ITPR1: variants seen among roughly 807,000 people sequenced by gnomAD.
The protein encoded by ITPR1 is inositol 1,4,5-trisphosphate-gated calcium channel ITPR1.
ITPR1 carries 96 observed loss-of-function variants against 318.4 expected under a neutral mutation model. The observed-to-expected ratio is 0.30, with a 90% CI of 0.26 to 0.36. The LOEUF is 0.36. Ranked by LOEUF, ITPR1 falls within the 10% of genes least tolerant of loss-of-function variation. The probability of loss-of-function intolerance (pLI) is 1.00; values close to 1 mark genes in which losing one functional copy is unlikely to be tolerated. For synonymous variants in ITPR1, 1,312 were observed against 1,289.9 expected (o/e 1.02, Z -0.37); for missense variants, 2,440 against 3,460.2 (o/e 0.71, Z 7.40).
intron 4 of ITPR1, among the ~76,000 whole-genome samples, chr3:4,581,735 C>T (rs571009280): frequency 1.0e-3 from 158 of 152,234 alleles, no homozygotes; most frequent in Middle Eastern, 0.01. Context: ...AAATAGTGTA[C>T]GGCAGGAATT....
intron 4 of ITPR1, among the ~76,000 whole-genome samples, chr3:4,542,772 C>G (rs1410534431): frequency 6.6e-6 from 1 of 152,130 alleles, no homozygotes; most frequent in Non-Finnish European, 1.5e-5. Flanking sequence ...CTACCTGGCA[C>G]TAGTATCATA....
At chr3:4,524,898 A>G (rs1339079747) in intron 4 of ITPR1, among the ~76,000 whole-genome samples, 2 of 152,166 alleles carry the variant, frequency 1.3e-5, no homozygotes, top group African/African-American at 4.8e-5. Flanking sequence ...GGGAGAGGAT[A>G]ATAGGCTCTA....
At chr3:4,738,826 G>A (rs1228411162) in intron 44 of ITPR1, among the ~76,000 whole-genome samples, 1 of 152,214 alleles carries the variant, frequency 6.6e-6, no homozygotes, top group Non-Finnish European at 1.5e-5. Context: ...AGCCACGTGT[G>A]GAGCAGGGAT....
rs754660192 is a variant in ITPR1 at position 4,814,327 on chromosome 3, G to A, written c.7562-96G>A. 100 of 1,260,974 alleles carry A rather than the reference G, an allele frequency of 7.9e-5. No individual in the cohort carries two copies. In the Middle Eastern group the frequency reaches 2.1e-3, roughly 26 times the overall value. The allele number at this position is 1,260,974 out of a possible 1,614,324, so 78.1% of individuals were successfully genotyped here. The stretch of plus-strand genomic sequence containing the variant: ...ATTCCTTAATTTTATTCTTTCGTGT[G>A]CCTGGTGAGATGGCATTCAGGAAAC... On this transcript the variant is annotated intron_variant, in intron 57 of 61. Coordinates refer to ENST00000649015, the MANE Select transcript of ITPR1 (RefSeq NM_001378452.1).
chr3:4,708,429 G>A lies in ITPR1; in HGVS notation c.4843-1896G>A, dbSNP rs1028994201. On this transcript the variant is annotated intron_variant, in intron 37 of 61. Transcript: ENST00000649015. ...GCTGGGGAGGCTGGCGGGATTTCTC[G>A]GGTCAAGTTAAGAATTTCAGCCTTT... 5.3e-5 allele frequency among the ~76,000 whole-genome samples: 8 copies of A among 152,086 alleles called. No homozygotes were observed. The South Asian group carries it at 6.2e-4, about 12-fold the overall frequency.
intron 12 of ITPR1, among the ~76,000 whole-genome samples, chr3:4,655,713 C>T (rs775770028): frequency 5.3e-5 from 8 of 152,200 alleles, no homozygotes; most frequent in Non-Finnish European, 8.8e-5. Context: ...TTGACGTTTT[C>T]GTGCTTTTTG....
intron 20 of ITPR1, chr3:4,671,809 T>C (rs1156993740): frequency 3.9e-5 from 6 of 152,262 alleles, no homozygotes; most frequent in Non-Finnish European, 8.8e-5. Context: ...TGTATTCTGT[T>C]CTTTCATTCA....
chr3:4,639,315 C>T, intron 5 of ITPR1, 69 bp from the exon 6 acceptor site: 1 of 1,170,936 alleles, frequency 8.5e-7, no homozygotes, highest in Non-Finnish European at 1.2e-6. Context: ...GACATTTGTT[C>T]TGCGTCACTG....
chr3:4,640,400 GATTAGATCC>G lies in ITPR1; in HGVS notation c.366+931_366+939del, dbSNP rs376499461. The stretch of plus-strand genomic sequence containing the variant: ...AAGTAGCTTCCAAAATCTGCTTGAA[GATTAGATCC>G]TGCCAGTCCCACTCATGCACTTCCT... On this transcript the variant is annotated intron_variant, in intron 6 of 61. Transcript: ENST00000649015. Among the ~76,000 whole-genome samples the G allele has an allele frequency of 4.4e-3, 668 of 152,292 alleles. 4 individuals are homozygous for G. Among genetic ancestry groups the G allele is most frequent in the African/African-American group, 0.015 (631 of 41,560 alleles).
intron 2 of ITPR1, among the ~76,000 whole-genome samples, chr3:4,499,400 C>T (rs146854148): frequency 4.6e-5 from 7 of 152,252 alleles, no homozygotes; most frequent in South Asian, 2.1e-4. Context: ...AATAAACAGA[C>T]ATCTGTGTCT....
intron 10 of ITPR1, among the ~76,000 whole-genome samples, chr3:4,648,081 G>A (rs1415229691): frequency 6.6e-6 from 1 of 152,128 alleles, no homozygotes; most frequent in African/African-American, 2.4e-5. Flanking sequence ...GAATCCAGGA[G>A]GCGGAGGTTG....
chr3:4,512,365 G>T (rs961289342), intron 2 of ITPR1, among the ~76,000 whole-genome samples: 2 of 152,142 alleles, frequency 1.3e-5, no homozygotes, highest in Non-Finnish European at 2.9e-5. Context: ...TTCATTATTG[G>T]GTGGGAGGTG....
intron 4 of ITPR1, among the ~76,000 whole-genome samples, chr3:4,575,395 G>A (rs1321378276): frequency 6.6e-6 from 1 of 152,188 alleles, no homozygotes; most frequent in Admixed American, 6.5e-5. Context: ...TTCTGTGGTA[G>A]CATGCTTGGA....
intron 4 of ITPR1, among the ~76,000 whole-genome samples, chr3:4,589,961 C>G (rs374891764): frequency 1.3e-5 from 2 of 152,094 alleles, no homozygotes; most frequent in East Asian, 1.9e-4. Context: ...TGGCTGCTTT[C>G]CTGTTCCCTG....
intron 60 of ITPR1, among the ~76,000 whole-genome samples, chr3:4,824,831 C>T (rs190600360): frequency 7.2e-5 from 11 of 152,178 alleles, no homozygotes; most frequent in Admixed American, 2.6e-4. Context: ...GTTGTTGAGA[C>T]GGTAGGAGTT....
intron 5 of ITPR1, among the ~76,000 whole-genome samples, chr3:4,634,782 A>C (rs2093129101): frequency 6.6e-6 from 1 of 152,190 alleles, no homozygotes; most frequent in Admixed American, 6.5e-5. Flanking sequence ...CTTGTTGCCC[A>C]GGCTGGAGTA....
chr3:4,654,778 A>G (rs1239633756), intron 12 of ITPR1, among the ~76,000 whole-genome samples: 2 of 152,112 alleles, frequency 1.3e-5, no homozygotes. Flanking sequence ...TTCAAATTGT[A>G]ATTGTCCTTG....
At chr3:4,752,444 C>A (rs13068994) in intron 44 of ITPR1, among the ~76,000 whole-genome samples, 55,166 of 152,056 alleles carry the variant, frequency 0.36, 11,701 homozygotes, top group Middle Eastern at 0.68. Context: ...CACAGAGTTA[C>A]GTGCAAAAAC....
At chr3:4,670,316 T>A (rs141803744) in intron 19 of ITPR1, among the ~76,000 whole-genome samples, 1 of 152,248 alleles carries the variant, frequency 6.6e-6, no homozygotes, top group Non-Finnish European at 1.5e-5. Context: ...TTGATTCACA[T>A]GTATAACTCA....
Sources: allele counts gnomAD v4.1 joint callset (sites outside exome capture counted in the v4.1 genomes callset), GRCh38; gene constraint gnomAD v4.1.1; transcripts MANE v1.5; gene names NCBI Gene and HGNC (gene_info 2026-07-23, HGNC 2026-07-21).